Variants in SLC44A2 observed in about 807,000 individuals in gnomAD.
SLC44A2 encodes solute carrier family 44 member 2 (CTL2 blood group), also known as choline transporter-like protein 2.
A neutral mutation model predicts 90.8 loss-of-function variants in SLC44A2; 57 were observed. The observed-to-expected ratio is 0.63, with a 90% CI of 0.51 to 0.78. The LOEUF (loss-of-function observed/expected upper bound fraction) is 0.78. Among genes scored for constraint, SLC44A2 ranks in the 30% least tolerant of loss-of-function variants. The pLI, the probability that SLC44A2 is intolerant of heterozygous loss-of-function variation, is 0.00. For missense variants in SLC44A2, 794 were observed against 919.7 expected (o/e 0.86, Z 1.77); for synonymous variants, 355 against 360.7 (o/e 0.98, Z 0.18).
chr19:10,607,654 C>CT (rs759477759), intron 1 of SLC44A2, among the ~76,000 whole-genome samples: 16 of 151,086 alleles, frequency 1.1e-4, no homozygotes, highest in Admixed American at 4.6e-4. Context: ...CCACACCCAG[C>CT]TTTTTTTTGT....
chr19:10,630,659 T>TA (rs56803247), intron 4 of SLC44A2, among the ~76,000 whole-genome samples: 102,582 of 130,002 alleles, frequency 0.79, 40,247 homozygotes, highest in African/African-American at 0.83. Context: ...GGACTCCATC[T>TA]AAAAAAAAAA....
At chr19:10,634,702 T>C (rs749933547) in intron 10 of SLC44A2, 54 bp from the exon 11 acceptor site, 176 of 1,610,376 alleles carry the variant, frequency 1.1e-4, no homozygotes, top group Non-Finnish European at 1.4e-4. Context: ...TTGTAGCTGC[T>C]TTGCAAAGTT....
rs947066084 is a variant in SLC44A2 at position 10,612,621 on chromosome 19, G to A, written c.31+10060G>A. ...GGCTGTACGGGTGAGGCCTTGGGCC[G>A]CTGCAGCCCTTGGGGACTTGGCCAG... is the stretch of plus-strand genomic sequence containing the variant. On this transcript the variant is annotated intron_variant, in intron 1 of 21. Coordinates refer to the SLC44A2 transcript ENST00000407327. Among the ~76,000 whole-genome samples the A allele has an allele frequency of 3.9e-5, 6 of 152,218 alleles. No homozygotes were observed. The East Asian group carries it at 5.8e-4, about 15-fold the overall frequency.
chr19:10,630,408 A>G (rs538830799), intron 4 of SLC44A2, among the ~76,000 whole-genome samples: 12 of 152,136 alleles, frequency 7.9e-5, no homozygotes, highest in Non-Finnish European at 1.6e-4. Context: ...TATAATCCCA[A>G]CACTTTGGGA....
At chr19:10,635,772 C>T in intron 14 of SLC44A2, 2 of 321,788 alleles carry the variant, frequency 6.2e-6, no homozygotes, top group Non-Finnish European at 1.1e-5. Context: ...TTCCCTACTT[C>T]CTTTTTTTTT....
At chr19:10,618,474 C>CTTTTTTT (rs3029799) in intron 1 of SLC44A2, among the ~76,000 whole-genome samples, 10 of 87,364 alleles carry the variant, frequency 1.1e-4, no homozygotes, top group African/African-American at 4.4e-4. Context: ...TGCGCCCGGC[C>CTTTTTTT]TTTTTTTTTT....
intron 10 of SLC44A2, among the ~76,000 whole-genome samples, chr19:10,633,168 T>TTTGTTG (rs1029180859): frequency 6.6e-6 from 1 of 151,882 alleles, no homozygotes; most frequent in Non-Finnish European, 1.5e-5. Context: ...GAGTTGTTGT[T>TTTGTTG]TTGTTGTTGT....
At chr19:10,633,159 AGTT>A (rs1231928801) in intron 10 of SLC44A2, among the ~76,000 whole-genome samples, 11 of 150,910 alleles carry the variant, frequency 7.3e-5, no homozygotes, top group South Asian at 2.1e-4. Flanking sequence ...GTTGTTTTTG[AGTT>A]GTTGTTTTGT....
rs1399558015 is a variant in SLC44A2 at position 10,635,071 on chromosome 19, C to G, written c.1053C>G (p.Ser351Arg). 1.9e-6 allele frequency: 3 copies of G among 1,614,110 alleles called. No individual in the cohort carries two copies. In the South Asian group the frequency reaches 3.3e-5, roughly 18 times the overall value. The stretch of plus-strand genomic sequence containing the variant: ...CGATTGCACTCATCAAAGAAGCCAG[C>G]AGGTGGGGGGCCAGGGTGCCAGGGG... The part of the protein sequence containing the change: ...LIAIALIKEA[S>R]RAVGYVMCSL... The change falls in exon 12 of 22, where the codon AGC (serine) becomes AGG (arginine). Residue 351 changes from serine to arginine, a missense_variant and splice_region_variant. This residue lies in a region of SLC44A2 where 738 missense variants were observed against 841.1 expected (regional missense o/e 0.88). Transcript: ENST00000335757.
chr19:10,606,556 A>G (rs1169096608), intron 1 of SLC44A2, among the ~76,000 whole-genome samples: 1 of 152,144 alleles, frequency 6.6e-6, no homozygotes, highest in African/African-American at 2.4e-5. Context: ...CACGCCTCTA[A>G]TATCAGCACT....
intron 20 of SLC44A2, chr19:10,640,905 T>C: frequency 4.5e-6 from 1 of 220,348 alleles, no homozygotes; most frequent in South Asian, 4.7e-5. Flanking sequence ...GCTAACATGG[T>C]GAAACCCCAT....
intron 10 of SLC44A2, among the ~76,000 whole-genome samples, 196 bp downstream of exon 10, chr19:10,632,352 C>G (rs1472350643): frequency 6.6e-6 from 1 of 151,912 alleles, no homozygotes; most frequent in Non-Finnish European, 1.5e-5. Flanking sequence ...GCCTGACCAA[C>G]ATGGAGAAAC....
chr19:10,619,247 G>T (rs1312260254), intron 1 of SLC44A2, among the ~76,000 whole-genome samples: 1 of 151,166 alleles, frequency 6.6e-6, no homozygotes, highest in Non-Finnish European at 1.5e-5. Context: ...TGGGCAACAT[G>T]GCAAAGCCCA....
At chr19:10,629,181 G>A (rs1429050797) in intron 4 of SLC44A2, among the ~76,000 whole-genome samples, 1 of 148,046 alleles carries the variant, frequency 6.8e-6, no homozygotes, top group Non-Finnish European at 1.5e-5. Flanking sequence ...TCCAGCCTAG[G>A]CAACAGAGCA....
At chr19:10,621,029 ACT>A (rs996775726), upstream of SLC44A2, among the ~76,000 whole-genome samples, 4 of 151,878 alleles carry the variant, frequency 2.6e-5, no homozygotes, top group Non-Finnish European at 5.9e-5. Flanking sequence ...ACAAAGCAAG[ACT>A]CTATTTGATA....
chr19:10,631,970 G>C lies in SLC44A2; in HGVS notation c.710+19G>C. ...TTATCATGTAAGTCAGGAGGGAAGG[G>C]GCCTCTCCCCTGGCTGCCCCCTCTA... On this transcript the variant is annotated intron_variant, in intron 9 of 21. Transcript: ENST00000335757. 6.2e-7 allele frequency: 1 copy of C among 1,613,894 alleles called. No homozygotes were observed. The highest frequency in any genetic ancestry group is 1.6e-4 in the Middle Eastern group (1 of 6,062).
At position 10,636,728 on chromosome 19, in the gene SLC44A2, ACTCGAGTACCTGGATCAGCGG is replaced by A. The variant is rs1241399374; in HGVS notation, c.1566_1586del (p.Glu523_Leu529del). On this transcript the variant is annotated inframe_deletion, in exon 16 of 22. Coordinates refer to ENST00000335757, the MANE Select transcript of SLC44A2 (RefSeq NM_020428.4). ...CCATTGTGCAGATCATCCGTGTGATACTCGAGTACCTGGATCAGCGGCTGAAAGGTACGTCCCACCCACGGT... is the reference window on the plus strand; with the variant it reads ...CCATTGTGCAGATCATCCGTGTGATACTGAAAGGTACGTCCCACCCACGGT... 1 of 1,613,898 alleles carries A rather than the reference ACTCGAGTACCTGGATCAGCGG, an allele frequency of 6.2e-7. No individual in the cohort carries two copies. The highest frequency in any genetic ancestry group is 1.7e-5 in the Admixed American group (1 of 59,974).
At chr19:10,640,430 T>C (rs2067103432) in intron 20 of SLC44A2, among the ~76,000 whole-genome samples, 1 of 152,148 alleles carries the variant, frequency 6.6e-6, no homozygotes, top group South Asian at 2.1e-4. Context: ...ATAATAGAGA[T>C]AGGCCAGGTG....
chr19:10,625,520 G>A, upstream of SLC44A2: 1 of 1,226,624 alleles, frequency 8.2e-7, no homozygotes, highest in Non-Finnish European at 1.0e-6. Context: ...GCCTGGCGCT[G>A]TGCTGGGAGG....
Sources: gnomAD v4.1 joint callset for allele counts (sites outside exome capture counted in the v4.1 genomes callset) on GRCh38, gnomAD v4.1.1 for gene constraint, gnomAD v4.1.1 regional missense constraint, MANE v1.5 for transcripts, NCBI Gene and HGNC (gene_info 2026-07-23, HGNC 2026-07-21) for gene names.